DUSP13B: variants seen among roughly 807,000 people sequenced by gnomAD.
DUSP13B encodes dual specificity protein phosphatase 13B.
At chr10:75,100,651 C>G in the DUSP13B span, among the ~76,000 whole-genome samples, 1 of 152,224 alleles carries the variant, frequency 6.6e-6, no homozygotes, top group South Asian at 2.1e-4. Context: ...CCTTCTCTCC[C>G]TGATCCCGTG....
chr10:75,099,312 C>T, the DUSP13B span: 23 of 1,232,326 alleles, frequency 1.9e-5, no homozygotes, highest in South Asian at 1.2e-4. Context: ...AGGAGGCTGC[C>T]GGCTTGGCCA....
chr10:75,107,961 A>G, the DUSP13B span: 5 of 1,587,606 alleles, frequency 3.1e-6, no homozygotes, highest in African/African-American at 1.3e-5. Flanking sequence ...AATGAGCAAG[A>G]TGGGATATGG....
At chr10:75,104,834 G>A in the DUSP13B span, among the ~76,000 whole-genome samples, 3 of 151,938 alleles carry the variant, frequency 2.0e-5, no homozygotes, top group Non-Finnish European at 4.4e-5. Flanking sequence ...GCTGCTGAAG[G>A]GCCTCCCTTC....
At chr10:75,103,512 C>T in the DUSP13B span, among the ~76,000 whole-genome samples, 29 of 152,232 alleles carry the variant, frequency 1.9e-4, no homozygotes, top group African/African-American at 7.0e-4. Context: ...TTTAAGGTCT[C>T]TCCCCATGCT....
the DUSP13B span, chr10:75,109,190 T>C: frequency 2.2e-5 from 34 of 1,526,852 alleles, no homozygotes; most frequent in Non-Finnish European, 3.0e-5. Flanking sequence ...GCCTCTGTGG[T>C]CACTCCTCTC....
At chr10:75,104,215 G>A in the DUSP13B span, 2 of 624,668 alleles carry the variant, frequency 3.2e-6, no homozygotes, top group Non-Finnish European at 4.9e-6. Flanking sequence ...TGAGCCCTGT[G>A]CATAAGGTCA....
the DUSP13B span, chr10:75,099,022 C>A: frequency 8.1e-7 from 1 of 1,232,354 alleles, no homozygotes; most frequent in South Asian, 4.1e-5. Flanking sequence ...CCTGGGTTTT[C>A]CTCCTTACCC....
At chr10:75,102,016 G>C in the DUSP13B span, 1 of 1,259,292 alleles carries the variant, frequency 7.9e-7, no homozygotes, top group Non-Finnish European at 1.1e-6. Context: ...CCCTCTTCCA[G>C]CCTCCCCTGC....
At chr10:75,101,021 G>A in the DUSP13B span, among the ~76,000 whole-genome samples, 4 of 152,366 alleles carry the variant, frequency 2.6e-5, no homozygotes, top group Middle Eastern at 3.4e-3. Context: ...CTCCAGGGAG[G>A]CCAGACAGAA....
chr10:75,107,871 A>G, the DUSP13B span: 2 of 1,220,738 alleles, frequency 1.6e-6, no homozygotes, highest in East Asian at 2.6e-5. Flanking sequence ...GCCACCACAC[A>G]CGGCCTAAGC....
the DUSP13B span, among the ~76,000 whole-genome samples, chr10:75,106,101 C>CTTT: frequency 6.5e-5 from 8 of 123,012 alleles, no homozygotes; most frequent in South Asian, 2.6e-4. Flanking sequence ...TCTTTCTTTT[C>CTTT]TTTTTTTTTT....
At chr10:75,099,646 C>T in the DUSP13B span, 50 of 837,768 alleles carry the variant, frequency 6.0e-5, no homozygotes, top group South Asian at 1.3e-4. Context: ...AACCCCCAGG[C>T]CTCCTCTCTG....
the DUSP13B span, chr10:75,095,913 GC>G: frequency 1.0e-6 from 1 of 956,188 alleles, no homozygotes; most frequent in Non-Finnish European, 1.6e-6. Flanking sequence ...AGAGACAAGA[GC>G]CTGCAAATTG....
the DUSP13B span, among the ~76,000 whole-genome samples, chr10:75,101,047 A>G: frequency 6.6e-6 from 1 of 152,226 alleles, no homozygotes; most frequent in Non-Finnish European, 1.5e-5. Context: ...GCCACAGGCC[A>G]TGTGGGGCTG....
the DUSP13B span, chr10:75,103,975 C>T: frequency 7.5e-7 from 1 of 1,340,056 alleles, no homozygotes; most frequent in African/African-American, 1.5e-5. Flanking sequence ...TAGGGCCGAC[C>T]CCACGCTGGG....
chr10:75,107,190 C>G, the DUSP13B span, among the ~76,000 whole-genome samples: 4 of 151,988 alleles, frequency 2.6e-5, no homozygotes, highest in Non-Finnish European at 5.9e-5. Context: ...CAAAAATTAG[C>G]CGGGTATGGT....
the DUSP13B span, chr10:75,105,537 C>T: frequency 1.5e-5 from 15 of 979,776 alleles, no homozygotes; most frequent in Non-Finnish European, 2.3e-5. Flanking sequence ...CTTTAATCCT[C>T]ACTTCCAGCC....
the DUSP13B span, chr10:75,094,852 C>G: frequency 6.2e-7 from 1 of 1,614,136 alleles, no homozygotes; most frequent in East Asian, 2.2e-5. Context: ...CGGCTTACCC[C>G]CATGGCACAG....
the DUSP13B span, chr10:75,094,809 A>G: frequency 8.1e-6 from 13 of 1,614,178 alleles, no homozygotes; most frequent in Non-Finnish European, 1.0e-5. Flanking sequence ...GTTCTCACAG[A>G]TCATGAGGAA....
Sources: allele counts gnomAD v4.1 joint callset (sites outside exome capture counted in the v4.1 genomes callset), GRCh38; gene constraint gnomAD v4.1.1; transcripts MANE v1.5; gene names NCBI Gene and HGNC (gene_info 2026-07-23, HGNC 2026-07-21).